ABCC11: variants seen among roughly 807,000 people sequenced by gnomAD.
The protein encoded by ABCC11 is ATP-binding cassette sub-family C member 11.
Under a neutral mutation model 149.3 loss-of-function variants are expected in ABCC11, and 135 were observed. The ratio of observed to expected loss-of-function variants is 0.90; its 90% CI spans 0.79 to 1.04. The LOEUF (loss-of-function observed/expected upper bound fraction) is 1.04, where lower values mean the gene tolerates loss of function less well. Ranked by LOEUF, ABCC11 falls within the 50% of genes least tolerant of loss-of-function variation. The pLI is 0.00. For missense variants in ABCC11, 1,680 were observed against 1,722.1 expected (o/e 0.98, Z 0.43); for synonymous variants, 665 against 671.4 (o/e 0.99, Z 0.15).
chr16:48,178,667 G>C lies in ABCC11; in HGVS notation c.3278C>G (p.Ala1093Gly), dbSNP rs772302755. 1.9e-6 allele frequency: 3 copies of C among 1,614,038 alleles called. No individual in the cohort carries two copies. Among genetic ancestry groups the C allele is most frequent in the East Asian group, 4.5e-5 (2 of 44,892 alleles). Reference protein sequence around the residue: ...IVLQLASSFQATARIGLETEA... With the variant: ...IVLQLASSFQGTARIGLETEA... ...TGTCTCCAAGCCAATCCGGGCAGTG[G>C]CCTGGAAGCTGGACGCCAGCTAGAA... The change falls in exon 24 of 30, where the codon GCC becomes GGC. Residue 1093 changes from alanine to glycine, a missense_variant. Ala to Gly is a moderately conservative substitution (Grantham distance 60). Transcript: ENST00000356608.
At chr16:48,182,186 A>C (rs1297747928) in intron 23 of ABCC11, among the ~76,000 whole-genome samples, 1 of 152,214 alleles carries the variant, frequency 6.6e-6, no homozygotes, top group African/African-American at 2.4e-5. Context: ...CAGCACATAC[A>C]TGCACTCCAG....
chr16:48,229,938 C>T (rs1035474193), intron 3 of ABCC11, among the ~76,000 whole-genome samples: 1 of 152,188 alleles, frequency 6.6e-6, no homozygotes, highest in African/African-American at 2.4e-5. Context: ...GGCTGTCCCA[C>T]AGGCTGTTCC....
rs1483014025 is a variant in ABCC11 at position 48,203,263 on chromosome 16, C to G, written c.1843G>C (p.Asp615His). 6 of 1,583,996 alleles carry G rather than the reference C, an allele frequency of 3.8e-6. No homozygotes were observed. The highest frequency in any genetic ancestry group is 5.2e-6 in the Non-Finnish European group (6 of 1,164,374). The change falls in exon 14 of 30, where the codon GAC (aspartate) becomes CAC (histidine). Residue 615 changes from aspartate (D) to histidine (H), a missense_variant. Transcript: ENST00000356608. ...QVLHCCSLNR[D>H]LELLPFGDMT... ...TCTCCAAAGGGCAGAAGTTCCAGGT[C>G]CCGATTCAGGGAGCAGCAGTGGAGC... is the stretch of plus-strand genomic sequence containing the variant.
Position 48,170,952 on chromosome 16 carries a change from GGGATCTA to G in ABCC11, c.3707_3713del (p.Leu1236ProfsTer19). The G allele has an allele frequency of 6.2e-7, 1 of 1,613,546 alleles. No homozygotes were observed. The highest frequency in any genetic ancestry group is 2.2e-5 in the East Asian group (1 of 44,884). ...TCTGCTGGTCAGTGTGACGGTCAAA[GGGATCTA>G]GGTTGAATCTACCATATGAGAGAAA... On this transcript the variant is annotated frameshift_variant, in exon 27 of 30. Coordinates refer to ENST00000356608, the MANE Select transcript of ABCC11 (RefSeq NM_001370497.1). LOFTEE classifies it high-confidence loss of function.
chr16:48,203,190 A>G, intron 14 of ABCC11, 38 bp downstream of exon 14: 1 of 1,528,296 alleles, frequency 6.5e-7, no homozygotes, highest in Non-Finnish European at 8.9e-7. Context: ...TAAGAGCACC[A>G]ACATTACACA....
At position 48,205,549 on chromosome 16, in the gene ABCC11, T is replaced by A; in HGVS notation, c.1681-12A>T. 6.2e-7 allele frequency: 1 copy of A among 1,613,218 alleles called. No individual in the cohort carries two copies. Reference sequence around the variant, plus strand: ...TCGAGCAAGTGCATCTGCGGCAGAATGAGTCCAGCCTCAGGACCAATTGGG... The same window carrying A: ...TCGAGCAAGTGCATCTGCGGCAGAAAGAGTCCAGCCTCAGGACCAATTGGG... On this transcript the variant is annotated splice_polypyrimidine_tract_variant and intron_variant, in intron 12 of 29. Coordinates refer to ENST00000356608, the MANE Select transcript of ABCC11 (RefSeq NM_001370497.1).
Position 48,205,546 on chromosome 16 carries a change from G to T in ABCC11, c.1681-9C>A, listed in dbSNP as rs373452395. 4 of 1,613,290 alleles carry T rather than the reference G, an allele frequency of 2.5e-6. No homozygotes were observed. In the African/African-American group the frequency reaches 4.0e-5, roughly 16 times the overall value. ...CCCTCGAGCAAGTGCATCTGCGGCA[G>T]AATGAGTCCAGCCTCAGGACCAATT... On this transcript the variant is annotated splice_polypyrimidine_tract_variant and intron_variant, in intron 12 of 29. Transcript: ENST00000356608.
At position 48,216,276 on chromosome 16, in the gene ABCC11, G is replaced by A. The variant is rs777232561; in HGVS notation, c.789C>T (p.Phe263=). The change falls in exon 7 of 30, where the codon TTC becomes TTT. Residue 263 remains phenylalanine (F), a synonymous_variant. Coordinates refer to ENST00000356608, the MANE Select transcript of ABCC11 (RefSeq NM_001370497.1). ...ACAGGTAGTTTACATCACCGGTGAA[G>A]AAGCTGATGGCCTGCAAGACAGCAA... is the stretch of plus-strand genomic sequence containing the variant. ...IHITSGEAIS[F]FTGDVNYLFE... is the part of the protein sequence containing the mutation. 3 of 1,612,860 alleles carry A rather than the reference G, an allele frequency of 1.9e-6. No individual in the cohort carries two copies. The highest frequency in any genetic ancestry group is 2.2e-5 in the South Asian group (2 of 91,004).
intron 18 of ABCC11, among the ~76,000 whole-genome samples, chr16:48,195,525 T>C (rs1003921164): frequency 3.9e-5 from 6 of 152,220 alleles, no homozygotes; most frequent in African/African-American, 1.2e-4. Flanking sequence ...AAAAGTTTCA[T>C]GGAGTAAAAA....
At chr16:48,196,038 T>C (rs148646528) in intron 18 of ABCC11, among the ~76,000 whole-genome samples, 194 bp downstream of exon 18, 61 of 152,270 alleles carry the variant, frequency 4.0e-4, no homozygotes, top group African/African-American at 1.3e-3. Flanking sequence ...TACATGAAAA[T>C]ATAACTTCCA....
intron 22 of ABCC11, 24 bp from the exon 23 acceptor site, chr16:48,184,650 G>A (rs762790581): frequency 1.2e-6 from 2 of 1,607,498 alleles, no homozygotes; most frequent in Non-Finnish European, 1.7e-6. Context: ...CACAGACTAA[G>A]AACCATGTGT....
intron 26 of ABCC11, among the ~76,000 whole-genome samples, chr16:48,174,791 T>G (rs1965935026): frequency 6.6e-6 from 1 of 151,974 alleles, no homozygotes; most frequent in Non-Finnish European, 1.5e-5. Context: ...CCCATCAGGG[T>G]TTTGTTTCTG....
intron 2 of ABCC11, 142 bp downstream of exon 2, chr16:48,231,674 AAAGAGAG>A (rs1345691328): frequency 5.6e-6 from 6 of 1,074,880 alleles, no homozygotes; most frequent in East Asian, 3.0e-5. Flanking sequence ...AAAAAAAAAA[AAAGAGAG>A]AGAGAGAGAG....
intron 24 of ABCC11, among the ~76,000 whole-genome samples, chr16:48,178,168 G>C (rs369241628): frequency 2.0e-5 from 3 of 152,216 alleles, no homozygotes; most frequent in African/African-American, 7.2e-5. Flanking sequence ...GGGGAAAAGA[G>C]AGTTTGAATA....
rs34665251 is a variant in ABCC11, at chr16:48,213,903, T to C, written c.1249-353A>G. On this transcript the variant is annotated intron_variant, in intron 9 of 29. Transcript: ENST00000356608. ...CAAGAAAATTCATGTGAGTGAGCAT[T>C]GCTTCCTTTCAATGTAGCTTGGTGC... Among the ~76,000 whole-genome samples the C allele has an allele frequency of 3.3e-4, 50 of 152,348 alleles. 1 individual carries two copies. In the East Asian group the frequency reaches 9.6e-3, roughly 29 times the overall value.
At chr16:48,217,322 G>A (rs931918185) in intron 6 of ABCC11, among the ~76,000 whole-genome samples, 2 of 151,708 alleles carry the variant, frequency 1.3e-5, no homozygotes, top group Non-Finnish European at 1.5e-5. Flanking sequence ...CTGGCTCAAC[G>A]CTATATAAAA....
At chr16:48,242,942 C>T (rs1003833740) in intron 1 of ABCC11, among the ~76,000 whole-genome samples, 2 of 151,924 alleles carry the variant, frequency 1.3e-5, no homozygotes, top group African/African-American at 4.8e-5. Context: ...AGGAGATATA[C>T]CTAATGTAAA....
chr16:48,185,898 T>G (rs904040018), intron 22 of ABCC11, among the ~76,000 whole-genome samples: 6 of 152,138 alleles, frequency 3.9e-5, no homozygotes, highest in Admixed American at 3.9e-4. Flanking sequence ...GGTCTTTGCA[T>G]TTACTGTCCC....
intron 28 of ABCC11, among the ~76,000 whole-genome samples, chr16:48,168,002 A>G: frequency 6.6e-6 from 1 of 152,240 alleles, no homozygotes; most frequent in Non-Finnish European, 1.5e-5. Context: ...AAGAAGGGGC[A>G]GGCACACACC....
Sources: gnomAD v4.1 joint callset for allele counts (sites outside exome capture counted in the v4.1 genomes callset) on GRCh38, gnomAD v4.1.1 for gene constraint, MANE v1.5 for transcripts, NCBI Gene and HGNC (gene_info 2026-07-23, HGNC 2026-07-21) for gene names.